Variants in KHDRBS2 observed in about 807,000 individuals in gnomAD.
The protein encoded by KHDRBS2 is KH domain-containing, RNA-binding, signal transduction-associated protein 2.
Under a neutral mutation model 44.3 loss-of-function variants are expected in KHDRBS2, and 26 were observed. That is an observed-to-expected ratio of 0.59 (90% CI 0.43 to 0.81). The LOEUF (loss-of-function observed/expected upper bound fraction) is 0.81. KHDRBS2 is among the 40% of genes least tolerant of loss of function. The pLI is 0.00. For missense variants in KHDRBS2, 476 were observed against 433.1 expected (o/e 1.10, Z -0.88); for synonymous variants, 194 against 151.1 (o/e 1.28, Z -2.08).
At chr6:62,182,825 T>C (rs965032620) in intron 1 of KHDRBS2, among the ~76,000 whole-genome samples, 4 of 151,928 alleles carry the variant, frequency 2.6e-5, no homozygotes, top group African/African-American at 4.8e-5. Context: ...CCTATATGTA[T>C]AGTTTAGTAT....
chr6:61,939,972 T>C (rs1811822858), intron 4 of KHDRBS2, among the ~76,000 whole-genome samples: 2 of 152,166 alleles, frequency 1.3e-5, no homozygotes, highest in Admixed American at 6.5e-5. Flanking sequence ...TGTTACTTTT[T>C]CTAAACCCAT....
the KHDRBS2 span, among the ~76,000 whole-genome samples, chr6:61,644,241 G>C: frequency 6.6e-6 from 1 of 152,200 alleles, no homozygotes; most frequent in Non-Finnish European, 1.5e-5. Context: ...TGGGATAACT[G>C]GCTAGCCTTA....
At chr6:62,153,929 G>A (rs1181462613) in intron 2 of KHDRBS2, among the ~76,000 whole-genome samples, 1 of 152,156 alleles carries the variant, frequency 6.6e-6, no homozygotes, top group Non-Finnish European at 1.5e-5. Flanking sequence ...TCCACCACCT[G>A]CCTATCCTGG....
At chr6:62,061,499 G>T (rs2127326691) in intron 2 of KHDRBS2, among the ~76,000 whole-genome samples, 2 of 149,314 alleles carry the variant, frequency 1.3e-5, no homozygotes, top group African/African-American at 4.9e-5. Flanking sequence ...TTGAATATTG[G>T]CCCCCACTCT....
the KHDRBS2 span, among the ~76,000 whole-genome samples, chr6:61,655,640 C>CAA: frequency 3.3e-4 from 50 of 151,892 alleles, no homozygotes; most frequent in Non-Finnish European, 1.5e-5. Flanking sequence ...CATGCACAAC[C>CAA]AAAAAATTAC....
chr6:61,874,664 CT>C (rs1193659832), intron 6 of KHDRBS2, among the ~76,000 whole-genome samples: 8 of 152,268 alleles, frequency 5.3e-5, no homozygotes, highest in African/African-American at 1.9e-4. Flanking sequence ...TCTGAAAGAG[CT>C]TCATAATGAG....
intron 6 of KHDRBS2, among the ~76,000 whole-genome samples, chr6:61,834,823 CTTACAA>C (rs146009783): frequency 6.6e-6 from 1 of 152,104 alleles, no homozygotes; most frequent in East Asian, 1.9e-4. Flanking sequence ...TCTATGTCTA[CTTACAA>C]TTTTCGGTCA....
At chr6:61,871,338 C>A (rs1205643997) in intron 6 of KHDRBS2, among the ~76,000 whole-genome samples, 3 of 152,076 alleles carry the variant, frequency 2.0e-5, no homozygotes, top group African/African-American at 7.2e-5. Flanking sequence ...AACAAAGCCT[C>A]CAAGAAATAT....
the KHDRBS2 span, among the ~76,000 whole-genome samples, chr6:61,601,983 C>A: frequency 1.3e-5 from 2 of 152,162 alleles, no homozygotes; most frequent in African/African-American, 2.4e-5. Flanking sequence ...AGCATTTAGG[C>A]TCTTTTTCAT....
chr6:61,664,866 C>G, the KHDRBS2 span, among the ~76,000 whole-genome samples: 1 of 151,504 alleles, frequency 6.6e-6, no homozygotes, highest in African/African-American at 2.4e-5. Context: ...GTTTTAATAT[C>G]TGTAATAAAT....
intron 2 of KHDRBS2, among the ~76,000 whole-genome samples, chr6:62,084,029 T>C (rs1471148530): frequency 6.6e-6 from 1 of 152,198 alleles, no homozygotes; most frequent in Non-Finnish European, 1.5e-5. Context: ...GAGAATGATA[T>C]AACCAGATAT....
intron 4 of KHDRBS2, among the ~76,000 whole-genome samples, chr6:61,947,459 A>G (rs1355456427): frequency 1.3e-5 from 2 of 152,176 alleles, no homozygotes; most frequent in Non-Finnish European, 1.5e-5. Flanking sequence ...TAAGTTCTGT[A>G]GTATGAAGTA....
At chr6:61,568,568 C>T in the KHDRBS2 span, among the ~76,000 whole-genome samples, 1 of 152,148 alleles carries the variant, frequency 6.6e-6, no homozygotes, top group Non-Finnish European at 1.5e-5. Flanking sequence ...TTCTACAAGG[C>T]AGGTGAAAAA....
intron 6 of KHDRBS2, among the ~76,000 whole-genome samples, chr6:61,843,982 G>A (rs1455521672): frequency 6.6e-6 from 1 of 151,990 alleles, no homozygotes; most frequent in Non-Finnish European, 1.5e-5. Flanking sequence ...CAGATAATGA[G>A]AATTACTCCA....
chr6:62,186,919 A>G (rs778424951), intron 1 of KHDRBS2, among the ~76,000 whole-genome samples: 5 of 152,126 alleles, frequency 3.3e-5, no homozygotes, highest in Non-Finnish European at 7.4e-5. Flanking sequence ...GAATGTATTC[A>G]GTGTTTTGAA....
chr6:62,087,076 A>G (rs904786411), intron 2 of KHDRBS2, among the ~76,000 whole-genome samples: 2 of 152,204 alleles, frequency 1.3e-5, no homozygotes, highest in Non-Finnish European at 2.9e-5. Flanking sequence ...TAAGACATGT[A>G]TGAACCTTGT....
At chr6:61,651,019 G>GGAAATTCAACCATTCTGTATTAGAAGT in the KHDRBS2 span, among the ~76,000 whole-genome samples, 11 of 151,986 alleles carry the variant, frequency 7.2e-5, no homozygotes, top group Admixed American at 5.9e-4. Flanking sequence ...TAGTCTTAAT[G>GGAAATTCAACCATTCTGTATTAGAAGT]GAAATTCAAC....
chr6:61,668,165 T>C, the KHDRBS2 span, among the ~76,000 whole-genome samples: 1 of 150,960 alleles, frequency 6.6e-6, no homozygotes. Flanking sequence ...AAAATGTAGG[T>C]TCAAAAACAC....
chr6:61,836,013 C>T (rs1792612412), intron 6 of KHDRBS2, among the ~76,000 whole-genome samples: 1 of 151,948 alleles, frequency 6.6e-6, no homozygotes, highest in African/African-American at 2.4e-5. Context: ...TCAACCTGCT[C>T]TCCTTAAATT....
Sources: allele counts gnomAD v4.1 joint callset (sites outside exome capture counted in the v4.1 genomes callset), GRCh38; gene constraint gnomAD v4.1.1; transcripts MANE v1.5; gene names NCBI Gene and HGNC (gene_info 2026-07-23, HGNC 2026-07-21).